Variants in PCSK5 observed in about 807,000 individuals in gnomAD.
PCSK5 encodes the protein prohormone convertase 5.
In PCSK5, 129 loss-of-function variants were observed where a neutral mutation model predicts 233.2. The ratio of observed to expected loss-of-function variants is 0.55; its 90% CI spans 0.48 to 0.64. The LOEUF (loss-of-function observed/expected upper bound fraction) is 0.64. Among genes scored for constraint, PCSK5 ranks in the 30% least tolerant of loss-of-function variants. The pLI, the probability that PCSK5 is intolerant of heterozygous loss-of-function variation, is 0.00. For missense variants in PCSK5, 2,076 were observed against 2,430.1 expected, an observed-to-expected ratio of 0.85 and a Z score of 3.06; for synonymous variants, 825 against 879.2, an observed-to-expected ratio of 0.94 and a Z score of 1.09.
rs1176624881 is a variant in PCSK5 at position 76,360,268 on chromosome 9, C to T, written c.*1346C>T. The T allele has an allele frequency of 6.6e-6, 1 of 152,212 alleles. No individual in the cohort carries two copies. Among genetic ancestry groups the T allele is most frequent in the Non-Finnish European group, 1.5e-5 (1 of 68,062 alleles). 9.4% of individuals were successfully genotyped at this position (152,212 alleles called of 1,614,324 possible). A position where few individuals can be genotyped will look rare whatever the true frequency, so the allele number is the denominator to read the frequency against. On this transcript the variant is annotated 3_prime_UTR_variant, in exon 38 of 38. Transcript: ENST00000674117. Reference sequence around the variant, plus strand: ...GTAATTCCCCCCCAAAAATGCCCCACTTATCCATTTTGGTACTTACCATAC... The same window carrying T: ...GTAATTCCCCCCCAAAAATGCCCCATTTATCCATTTTGGTACTTACCATAC...
chr9:76,080,978 G>A (rs1447117842), intron 7 of PCSK5, among the ~76,000 whole-genome samples: 1 of 151,946 alleles, frequency 6.6e-6, no homozygotes, highest in African/African-American at 2.4e-5. Flanking sequence ...ATAATCTTGA[G>A]ATTATTATAA....
At chr9:76,230,208 T>G (rs2131314095) in intron 21 of PCSK5, among the ~76,000 whole-genome samples, 1 of 152,318 alleles carries the variant, frequency 6.6e-6, no homozygotes, top group Admixed American at 6.5e-5. Flanking sequence ...CATAACTCAG[T>G]GCCTTCACTT....
At chr9:76,302,659 T>C (rs185146032) in intron 28 of PCSK5, among the ~76,000 whole-genome samples, 104 of 152,324 alleles carry the variant, frequency 6.8e-4, no homozygotes, top group African/African-American at 2.4e-3. Context: ...TAGAATACTA[T>C]GGAGCCACCA....
chr9:76,178,650 T>C (rs557036221), intron 14 of PCSK5, among the ~76,000 whole-genome samples: 36 of 152,232 alleles, frequency 2.4e-4, no homozygotes, highest in Admixed American at 7.9e-4. Flanking sequence ...TGGGTTACAA[T>C]AAGTAGATTT....
intron 2 of PCSK5, among the ~76,000 whole-genome samples, chr9:75,945,645 AT>A (rs556859831): frequency 1.3e-5 from 2 of 151,668 alleles, no homozygotes; most frequent in African/African-American, 4.8e-5. Flanking sequence ...ATAAAGTCTA[AT>A]TTTTTTTAAG....
intron 2 of PCSK5, among the ~76,000 whole-genome samples, chr9:75,962,552 G>A (rs965038127): frequency 2.0e-5 from 3 of 152,188 alleles, no homozygotes; most frequent in Non-Finnish European, 4.4e-5. Context: ...CAGATAGTAG[G>A]TTTTAAATTG....
intron 35 of PCSK5, among the ~76,000 whole-genome samples, chr9:76,344,874 C>G (rs1829933276): frequency 6.6e-6 from 1 of 152,162 alleles, no homozygotes; most frequent in Admixed American, 6.6e-5. Flanking sequence ...ATGTCTCTTA[C>G]CGTCAACCAA....
intron 5 of PCSK5, among the ~76,000 whole-genome samples, chr9:76,056,809 A>G (rs980834412): frequency 3.3e-5 from 5 of 152,080 alleles, no homozygotes; most frequent in Non-Finnish European, 7.4e-5. Context: ...CATTTTTTTT[A>G]AGTTATTAGT....
chr9:76,095,659 C>T (rs563874817), intron 7 of PCSK5, among the ~76,000 whole-genome samples: 8 of 151,644 alleles, frequency 5.3e-5, no homozygotes, highest in African/African-American at 1.9e-4. Context: ...GTGCTTTGTC[C>T]ATAAATAATT....
At chr9:76,331,100 G>C (rs1306164124) in intron 33 of PCSK5, among the ~76,000 whole-genome samples, 5 of 152,114 alleles carry the variant, frequency 3.3e-5, no homozygotes, top group Non-Finnish European at 7.4e-5. Context: ...GATTTGCTCA[G>C]CCTGGTATCC....
At chr9:76,358,175 C>T (rs530717515) in intron 37 of PCSK5, among the ~76,000 whole-genome samples, 57 of 152,182 alleles carry the variant, frequency 3.7e-4, no homozygotes, top group Non-Finnish European at 6.6e-4. Flanking sequence ...TCACGGGGTA[C>T]ATACTCCAAT....
In PCSK5 at chr9:76,134,665, A is replaced by G. The variant is rs370447364; in HGVS notation, c.1312+453A>G. 1.1e-4 allele frequency among the ~76,000 whole-genome samples: 17 copies of G among 152,164 alleles called. No individual in the cohort carries two copies. In the South Asian group the frequency reaches 3.1e-3, roughly 28 times the overall value. On this transcript the variant is annotated intron_variant, in intron 10 of 37. Coordinates refer to ENST00000674117, the MANE Select transcript of PCSK5 (RefSeq NM_001372043.1). ...TCTACAAATTTTGTTTTTGTTTGTT[A>G]TAAATCTTCCACAAAGAAAAGCAGG...
intron 5 of PCSK5, among the ~76,000 whole-genome samples, chr9:76,045,267 G>T (rs1829325001): frequency 6.6e-6 from 1 of 152,218 alleles, no homozygotes; most frequent in Non-Finnish European, 1.5e-5. Context: ...AGACATCTCT[G>T]TGTGTTTTCG....
At chr9:76,316,411 A>G (rs1415449982) in intron 30 of PCSK5, among the ~76,000 whole-genome samples, 1 of 152,084 alleles carries the variant, frequency 6.6e-6, no homozygotes, top group African/African-American at 2.4e-5. Flanking sequence ...TTACAGGAAC[A>G]ATGAATCCAT....
intron 1 of PCSK5, among the ~76,000 whole-genome samples, chr9:75,928,596 C>CATATATATATATGTATATATATGTAT (rs1823611899): frequency 2.3e-4 from 16 of 68,410 alleles, no homozygotes; most frequent in African/African-American, 7.9e-4. Context: ...CATATAAATA[C>CATATATATATATGTATATATATGTAT]ATATATATAT....
chr9:76,026,089 A>AGAGGAAGAACCTGTTT (rs1554675452), intron 4 of PCSK5, among the ~76,000 whole-genome samples: 1 of 152,004 alleles, frequency 6.6e-6, no homozygotes, highest in Non-Finnish European at 1.5e-5. Flanking sequence ...CCTGGGTGAC[A>AGAGGAAGAACCTGTTT]GAGGAAGACC....
At chr9:76,272,703 A>G (rs1432900974) in intron 24 of PCSK5, among the ~76,000 whole-genome samples, 3 of 136,340 alleles carry the variant, frequency 2.2e-5, no homozygotes, top group African/African-American at 8.0e-5. Flanking sequence ...TGAACATGGG[A>G]GGCAGAGATT....
At chr9:75,926,637 A>G (rs1161405921) in intron 1 of PCSK5, among the ~76,000 whole-genome samples, 1 of 152,190 alleles carries the variant, frequency 6.6e-6, no homozygotes, top group Admixed American at 6.6e-5. Context: ...ATCTGTTTTC[A>G]TTCACTATAC....
At chr9:75,980,695 A>G (rs1826235458) in intron 2 of PCSK5, among the ~76,000 whole-genome samples, 1 of 152,136 alleles carries the variant, frequency 6.6e-6, no homozygotes, top group Admixed American at 6.5e-5. Flanking sequence ...ATGGAACACA[A>G]TGTAAAGTAT....
Sources: gnomAD v4.1 joint callset for allele counts (sites outside exome capture counted in the v4.1 genomes callset) on GRCh38, gnomAD v4.1.1 for gene constraint, MANE v1.5 for transcripts, NCBI Gene and HGNC (gene_info 2026-07-23, HGNC 2026-07-21) for gene names.